Variants in MRTFB observed in about 807,000 individuals in gnomAD.
The protein encoded by MRTFB is myocardin related transcription factor B.
MRTFB carries 29 observed loss-of-function variants against 104.2 expected under a neutral mutation model. The ratio of observed to expected loss-of-function variants is 0.28; its 90% CI spans 0.21 to 0.38. MRTFB has a LOEUF of 0.38. Ranked by LOEUF, MRTFB falls within the 10% of genes least tolerant of loss-of-function variation. The pLI is 1.00. For missense variants in MRTFB, 1,270 were observed against 1,341.6 expected (o/e 0.95, Z 0.83); for synonymous variants, 535 against 519.5 (o/e 1.03, Z -0.41).
chr16:14,010,425 C>T, the MRTFB span, among the ~76,000 whole-genome samples: 1 of 152,150 alleles, frequency 6.6e-6, no homozygotes, highest in Non-Finnish European at 1.5e-5. Context: ...CCCCCTGCCT[C>T]AGCTTCCCGA....
upstream of MRTFB, among the ~76,000 whole-genome samples, chr16:14,071,145 G>A (rs920400079): frequency 6.6e-6 from 1 of 152,168 alleles, no homozygotes; most frequent in Non-Finnish European, 1.5e-5. Flanking sequence ...TCCCAGTCAC[G>A]GGAGTGGGCG....
At chr16:14,112,317 C>G (rs548261216) in intron 2 of MRTFB, among the ~76,000 whole-genome samples, 34 of 152,204 alleles carry the variant, frequency 2.2e-4, no homozygotes, top group African/African-American at 7.7e-4. Flanking sequence ...CTGGGGAGAT[C>G]ACGGAGTGTT....
intron 3 of MRTFB, among the ~76,000 whole-genome samples, chr16:14,185,335 C>G (rs2039915531): frequency 6.6e-6 from 1 of 152,206 alleles, no homozygotes; most frequent in Non-Finnish European, 1.5e-5. Context: ...ATACTTCATC[C>G]AGACCCACCT....
At chr16:13,996,000 G>A in the MRTFB span, among the ~76,000 whole-genome samples, 144 of 152,194 alleles carry the variant, frequency 9.5e-4, 1 homozygote, top group East Asian at 4.8e-3. Context: ...AGCCGGGCAC[G>A]GTGGCTCATG....
intron 13 of MRTFB, 65 bp downstream of exon 13, chr16:14,249,146 A>G (rs2043148269): frequency 6.4e-7 from 1 of 1,559,522 alleles, no homozygotes; most frequent in African/African-American, 1.4e-5. Flanking sequence ...CATCCATTCA[A>G]CAAGCATCTT....
the MRTFB span, among the ~76,000 whole-genome samples, chr16:14,022,646 C>T: frequency 5.1e-4 from 78 of 152,188 alleles, 1 homozygote; most frequent in East Asian, 0.014. Flanking sequence ...CCTTGTGATC[C>T]ACCCAAAGTG....
the MRTFB span, among the ~76,000 whole-genome samples, chr16:14,032,359 A>G: frequency 1.3e-5 from 2 of 152,182 alleles, no homozygotes; most frequent in Admixed American, 1.3e-4. Context: ...TGGTTAACAC[A>G]TGCAAGGTGC....
intron 2 of MRTFB, among the ~76,000 whole-genome samples, chr16:14,130,011 A>G (rs1411016147): frequency 6.6e-6 from 1 of 151,940 alleles, no homozygotes; most frequent in Non-Finnish European, 1.5e-5. Flanking sequence ...TTGTATTTTT[A>G]GTAGAGACGG....
chr16:14,029,417 A>T, the MRTFB span, among the ~76,000 whole-genome samples: 735 of 70,152 alleles, frequency 0.01, 4 homozygotes, highest in Middle Eastern at 0.028. Context: ...AAAAAAAAAA[A>T]AAATATATAT....
At chr16:14,182,854 T>G (rs990759471) in intron 3 of MRTFB, among the ~76,000 whole-genome samples, 1 of 152,178 alleles carries the variant, frequency 6.6e-6, no homozygotes, top group Non-Finnish European at 1.5e-5. Context: ...AGTCACAGAT[T>G]ATAAGCTATT....
In MRTFB at chr16:14,263,556, C is replaced by G. The variant is rs2043846933; in HGVS notation, c.*2112C>G. On this transcript the variant is annotated 3_prime_UTR_variant, in exon 17 of 17. Coordinates refer to ENST00000571589, the MANE Select transcript of MRTFB (RefSeq NM_001308142.2). Reference sequence around the variant, plus strand: ...TAACCGAACACTAGTACCATTGACTCTCGTTGAATAACTTTATATTTCCAT... The same window carrying G: ...TAACCGAACACTAGTACCATTGACTGTCGTTGAATAACTTTATATTTCCAT... 6.6e-6 allele frequency: 1 copy of G among 152,180 alleles called. No homozygotes were observed. Among genetic ancestry groups the G allele is most frequent in the African/African-American group, 2.4e-5 (1 of 41,434 alleles). The allele number at this position is 152,180 out of a possible 1,614,324, so 9.4% of individuals were successfully genotyped here.
chr16:14,054,875 T>C, the MRTFB span, among the ~76,000 whole-genome samples: 1 of 152,240 alleles, frequency 6.6e-6, no homozygotes, highest in Non-Finnish European at 1.5e-5. Flanking sequence ...TAGAAAACCC[T>C]ATCAGCAGTA....
rs1567308957 is a variant in MRTFB, at chr16:14,089,216, TA to T, written c.-64+9863del. ...AAGTGTAGAACTCAATGATTTTTAG[TA>T]TTCTCACAGAGTTGTACACCCATCA... On this transcript the variant is annotated intron_variant, in intron 2 of 16. Transcript: ENST00000571589. Among the ~76,000 whole-genome samples, 4 of 150,718 alleles carry T rather than the reference TA, an allele frequency of 2.7e-5. No individual in the cohort carries two copies. In the South Asian group the frequency reaches 8.4e-4, roughly 32 times the overall value.
the MRTFB span, among the ~76,000 whole-genome samples, chr16:14,039,412 A>C: frequency 2.4e-4 from 36 of 152,286 alleles, no homozygotes; most frequent in African/African-American, 7.2e-4. Context: ...GAATGAATAG[A>C]GCACAGGTCA....
intron 10 of MRTFB, chr16:14,241,438 A>G (rs1236063892): frequency 6.6e-6 from 1 of 152,252 alleles, no homozygotes; most frequent in Non-Finnish European, 1.5e-5. Context: ...TACATTCCCA[A>G]TATGCTTTTT....
rs1047880506 is a variant in MRTFB, at chr16:14,264,051, G to T, written c.*2607G>T. On this transcript the variant is annotated 3_prime_UTR_variant, in exon 17 of 17. Coordinates refer to ENST00000571589, the MANE Select transcript of MRTFB (RefSeq NM_001308142.2). Reference sequence around the variant, plus strand: ...CAGTGCGTGTGATGGTGAGTGCAATGAGGAAGGGTGGATATTGACTAAAGA... The same window carrying T: ...CAGTGCGTGTGATGGTGAGTGCAATTAGGAAGGGTGGATATTGACTAAAGA... The T allele has an allele frequency of 1.3e-5, 2 of 152,256 alleles. No homozygotes were observed. The highest frequency in any genetic ancestry group is 3.8e-4 in the East Asian group (2 of 5,202). 9.4% of individuals were successfully genotyped at this position (152,256 alleles called of 1,614,324 possible).
the MRTFB span, among the ~76,000 whole-genome samples, chr16:14,010,719 C>T: frequency 6.6e-6 from 1 of 152,210 alleles, no homozygotes; most frequent in Non-Finnish European, 1.5e-5. Flanking sequence ...AGCCACCATG[C>T]CTGGCCTTCA....
the MRTFB span, among the ~76,000 whole-genome samples, chr16:14,010,288 G>A: frequency 6.6e-6 from 1 of 151,854 alleles, no homozygotes; most frequent in African/African-American, 2.4e-5. Flanking sequence ...TAATTACATG[G>A]AGTGGATCTC....
chr16:14,250,620 G>A (rs938648396), intron 13 of MRTFB, among the ~76,000 whole-genome samples: 1 of 152,200 alleles, frequency 6.6e-6, no homozygotes, highest in African/African-American at 2.4e-5. Context: ...TGGAAAGGGG[G>A]CCAGGTAGTA....
Sources: allele counts gnomAD v4.1 joint callset (sites outside exome capture counted in the v4.1 genomes callset), GRCh38; gene constraint gnomAD v4.1.1; transcripts MANE v1.5; gene names NCBI Gene and HGNC (gene_info 2026-07-23, HGNC 2026-07-21).